CPT1C: variants seen among roughly 807,000 people sequenced by gnomAD.
CPT1C encodes carnitine palmitoyltransferase 1C.
CPT1C carries 61 observed loss-of-function variants against 97.3 expected under a neutral mutation model. That is an observed-to-expected ratio of 0.63 (90% CI 0.51 to 0.78). The LOEUF is 0.78. Among genes scored for constraint, CPT1C ranks in the 30% least tolerant of loss-of-function variants. CPT1C has a pLI of 0.00. For missense variants in CPT1C, 975 were observed against 1,065.5 expected, an observed-to-expected ratio of 0.92 and a Z score of 1.18; for synonymous variants, 469 against 447.2, an observed-to-expected ratio of 1.05 and a Z score of -0.61.
chr19:49,713,568 G>C lies in CPT1C; in HGVS notation c.2375G>C (p.Gly792Ala). The change falls in exon 20 of 20, where the codon GGG (glycine) becomes GCG (alanine). Residue 792 changes from glycine to alanine, a missense_variant. Physicochemically the swap from Gly to Ala is moderately conservative, Grantham distance 60 (BLOSUM62 0). Transcript: ENST00000598293. ...TGTGGATTTCTCTCCCGCCAGACTGGGGCCTCCAAGGCCTCAATGACATCC... is the reference window on the plus strand; with the variant it reads ...TGTGGATTTCTCTCCCGCCAGACTGCGGCCTCCAAGGCCTCAATGACATCC... ...HRCGFLSRQT[G>A]ASKASMTSTD... 6.2e-7 allele frequency: 1 copy of C among 1,613,584 alleles called. No individual in the cohort carries two copies. Among genetic ancestry groups the C allele is most frequent in the East Asian group, 2.2e-5 (1 of 44,872 alleles).
chr19:49,695,156 T>C (rs913928903), intron 3 of CPT1C, among the ~76,000 whole-genome samples: 2 of 151,884 alleles, frequency 1.3e-5, no homozygotes, highest in African/African-American at 4.8e-5. Flanking sequence ...AAAACAAACA[T>C]GTGGCCATCC....
intron 3 of CPT1C, among the ~76,000 whole-genome samples, chr19:49,697,108 AGGGCTC>A (rs2123178891): frequency 6.6e-6 from 1 of 152,332 alleles, no homozygotes; most frequent in South Asian, 2.1e-4. Flanking sequence ...TTGGCAGCAC[AGGGCTC>A]CTCCTATTTC....
chr19:49,708,964 T>C, intron 14 of CPT1C, 125 bp downstream of exon 14: 3 of 616,264 alleles, frequency 4.9e-6, no homozygotes, highest in South Asian at 3.9e-5. Flanking sequence ...CCGAAACCCA[T>C]GCTTCCCCCA....
At position 49,710,346 on chromosome 19, in the gene CPT1C, G is replaced by A. The variant is rs1568541072; in HGVS notation, c.1593G>A (p.Leu531=). The stretch of plus-strand genomic sequence containing the variant: ...TCCACTCCTCCATCTCTCTAGCCCT[G>A]AGGGGAGCCAAGATCTTGTCTGAAA... ...DQIHSSISLA[L]RGAKILSENV... is the part of the protein sequence containing the mutation. Residue 531 remains leucine, a synonymous_variant, in exon 15 of 20, where the codon CTG becomes CTA. Transcript: ENST00000598293. 1 of 1,614,156 alleles carries A rather than the reference G, an allele frequency of 6.2e-7. No homozygotes were observed. The highest frequency in any genetic ancestry group is 8.5e-7 in the Non-Finnish European group (1 of 1,180,040).
intron 14 of CPT1C, 55 bp from the exon 15 acceptor site, chr19:49,710,265 T>C: frequency 6.4e-7 from 1 of 1,572,066 alleles, no homozygotes; most frequent in Non-Finnish European, 8.7e-7. Context: ...TTCCTGGCTT[T>C]CACCCTACCC....
At position 49,710,721 on chromosome 19, in the gene CPT1C, A is replaced by G; in HGVS notation, c.1732-2A>G. The G allele has an allele frequency of 2.5e-6, 4 of 1,610,964 alleles. No homozygotes were observed. The highest frequency in any genetic ancestry group is 3.4e-6 in the Non-Finnish European group (4 of 1,177,620). On this transcript the variant is annotated splice_acceptor_variant, in intron 15 of 19. Transcript: ENST00000598293. LOFTEE classifies it high-confidence loss of function. The stretch of plus-strand genomic sequence containing the variant: ...ACTCCTCTTCTCCTCCCTGTCCCCC[A>G]GGACAGGGGTCAATTCTGCCTGACT...
At chr19:49,700,605 A>C in intron 4 of CPT1C, 79 bp from the exon 5 acceptor site, 2 of 1,493,014 alleles carry the variant, frequency 1.3e-6, no homozygotes, top group South Asian at 1.2e-5. Flanking sequence ...AGATCAGCGC[A>C]GGGGCTGGAG....
chr19:49,710,095 G>A lies in CPT1C; in HGVS notation c.1567-225G>A, dbSNP rs569975625. On this transcript the variant is annotated intron_variant, in intron 14 of 19. Transcript: ENST00000598293. The stretch of plus-strand genomic sequence containing the variant: ...ACTCCCGACCTCAGGTGATCCGCCC[G>A]CCTCGGCCTCCCAAAGTGCTGGGAT... 9.9e-5 allele frequency among the ~76,000 whole-genome samples: 15 copies of A among 151,220 alleles called. No homozygotes were observed. The South Asian group carries it at 2.5e-3, about 25-fold the overall frequency.
In CPT1C at chr19:49,700,710, G is replaced by T. The variant is rs1236987151; in HGVS notation, c.308G>T (p.Gly103Val). Residue 103 changes from glycine to valine, a missense_variant, in exon 5 of 20, where the codon GGG becomes GTG. Around this residue, in one of 3 missense-constraint regions of CPT1C, gnomAD observed 596 missense variants for 603.1 expected, o/e 0.99. Coordinates refer to ENST00000598293, the MANE Select transcript of CPT1C (RefSeq NM_001199753.2). ...GGTGGACAACACCACGGGCTCCGGG[G>T]GGTCCTGGCAGCCGCGCTGTTTGCC... ...DWGGQHHGLR[G>V]VLAAALFASC... is the part of the protein sequence containing the mutation. 2 of 1,610,824 alleles carry T rather than the reference G, an allele frequency of 1.2e-6. No homozygotes were observed. Among genetic ancestry groups the T allele is most frequent in the Non-Finnish European group, 8.5e-7 (1 of 1,180,014 alleles).
intron 4 of CPT1C, among the ~76,000 whole-genome samples, chr19:49,700,366 G>T (rs1180154321): frequency 1.3e-5 from 2 of 152,146 alleles, no homozygotes; most frequent in Non-Finnish European, 2.9e-5. Context: ...CCCAGGCAGT[G>T]CTCCCAGGAG....
intron 13 of CPT1C, among the ~76,000 whole-genome samples, 200 bp from the exon 14 acceptor site, chr19:49,708,523 C>G (rs956509329): frequency 6.6e-6 from 1 of 152,004 alleles, no homozygotes; most frequent in Non-Finnish European, 1.5e-5. Context: ...AAAATAAGGA[C>G]AGTAAACACC....
chr19:49,710,525 G>A, intron 15 of CPT1C, 41 bp downstream of exon 15: 1 of 1,612,922 alleles, frequency 6.2e-7, no homozygotes, highest in Non-Finnish European at 8.5e-7. Flanking sequence ...CAGGGTCTCA[G>A]TCCACCTGAG....
chr19:49,700,103 C>A (rs546406368), intron 4 of CPT1C, among the ~76,000 whole-genome samples: 1 of 148,236 alleles, frequency 6.7e-6, no homozygotes, highest in African/African-American at 2.5e-5. Flanking sequence ...AACAAATAGC[C>A]GGGCGTGGTG....
At position 49,700,834 on chromosome 19, in the gene CPT1C, C is replaced by T. The variant is rs141559460; in HGVS notation, c.432C>T (p.Ser144=). ...GWLLEPHGAM[S]SPTKTWLALV... The stretch of plus-strand genomic sequence containing the variant: ...TTCTTGAGCCCCACGGAGCCATGTC[C>T]TCCCCCACCAAGACCTGGCTGGTAT... Residue 144 remains serine, a synonymous_variant, in exon 5 of 20, where the codon TCC becomes TCT. Coordinates refer to ENST00000598293, the MANE Select transcript of CPT1C (RefSeq NM_001199753.2). 5.0e-6 allele frequency: 8 copies of T among 1,612,834 alleles called. No individual in the cohort carries two copies. The African/African-American group carries it at 1.1e-4, about 22-fold the overall frequency.
intron 19 of CPT1C, 133 bp from the exon 20 acceptor site, chr19:49,713,287 C>T (rs1308700827): frequency 3.3e-6 from 3 of 898,250 alleles, no homozygotes; most frequent in Non-Finnish European, 5.1e-6. Flanking sequence ...CCCCTCCTCC[C>T]TCAGACTCGG....
At position 49,691,336 on chromosome 19, in the gene CPT1C, A is replaced by T. The variant is rs941212624; in HGVS notation, c.-88A>T. The T allele has an allele frequency of 2.0e-5, 3 of 152,072 alleles. No individual in the cohort carries two copies. In the East Asian group the frequency reaches 5.8e-4, roughly 29 times the overall value. The allele number at this position is 152,072 out of a possible 1,614,324, so 9.4% of individuals were successfully genotyped here. A position where few individuals can be genotyped will look rare whatever the true frequency, so the allele number is the denominator to read the frequency against. Reference sequence around the variant, plus strand: ...ATCCGATCAGCGGACCCTTGATTCAACGTGGTAAGTACTGGACCCCAGGGG... The same window carrying T: ...ATCCGATCAGCGGACCCTTGATTCATCGTGGTAAGTACTGGACCCCAGGGG... On this transcript the variant is annotated 5_prime_UTR_variant, in exon 1 of 20. Transcript: ENST00000598293.
rs757644561 is a variant in CPT1C, at chr19:49,706,107, A to G, written c.1160+3A>G. ...GCAGCTCTGACAGCTGCTCCCAGGT[A>G]AGGGTCAGGGGTCAGGGGTCAGGGG... is the stretch of plus-strand genomic sequence containing the variant. On this transcript the variant is annotated splice_donor_region_variant and intron_variant, in intron 11 of 19. Transcript: ENST00000598293. The surrounding 1 kb of genome is among the most constrained non-coding windows in gnomAD (Gnocchi z 4.8). 5.2e-5 allele frequency: 84 copies of G among 1,612,278 alleles called. No homozygotes were observed. Among genetic ancestry groups the G allele is most frequent in the Non-Finnish European group, 7.0e-5 (83 of 1,179,010 alleles).
rs182400570 is a variant in CPT1C, at chr19:49,699,550, C to T, written c.282-1134C>T. Among the ~76,000 whole-genome samples, 21 of 150,860 alleles carry T rather than the reference C, an allele frequency of 1.4e-4. No homozygotes were observed. In the East Asian group the frequency reaches 3.3e-3, roughly 24 times the overall value. On this transcript the variant is annotated intron_variant, in intron 4 of 19. Coordinates refer to ENST00000598293, the MANE Select transcript of CPT1C (RefSeq NM_001199753.2). ...GAGGGAAAGTGATTTGACCCAAGTC[C>T]TCCAGGTGACATTTGCAAACTTTGC...
chr19:49,692,308 C>G lies in CPT1C; in HGVS notation c.56C>G (p.Ala19Gly), dbSNP rs201185943. The change falls in exon 3 of 20, where the codon GCT (alanine) becomes GGT (glycine). Residue 19 changes from alanine to glycine, a missense_variant. Coordinates refer to ENST00000598293, the MANE Select transcript of CPT1C (RefSeq NM_001199753.2). ...GFRPSLTSDG[A>G]EVELSAPVLQ... ...CGACCCTCGCTGACCTCGGACGGGG[C>G]TGAAGTGGAACTCAGTGCCCCTGTG... The G allele has an allele frequency of 6.2e-7, 1 of 1,614,124 alleles. No homozygotes were observed. The highest frequency in any genetic ancestry group is 1.7e-5 in the Admixed American group (1 of 60,012).
Sources: gnomAD v4.1 joint callset for allele counts (sites outside exome capture counted in the v4.1 genomes callset) on GRCh38, gnomAD v4.1.1 for gene constraint, gnomAD v4.1.1 regional missense constraint, Gnocchi (gnomAD v3.1) non-coding constraint, MANE v1.5 for transcripts, NCBI Gene and HGNC (gene_info 2026-07-23, HGNC 2026-07-21) for gene names.